The following MYT1L variants were observed in gnomAD, a reference collection of about 807,000 sequenced individuals.
The protein encoded by MYT1L is myelin transcription factor 1 like.
MYT1L carries 12 observed loss-of-function variants against 126.7 expected under a neutral mutation model. That is an observed-to-expected ratio of 0.09 (90% CI 0.06 to 0.15). The LOEUF is 0.15. Among genes scored for constraint, MYT1L ranks in the 10% least tolerant of loss-of-function variants. The pLI is 1.00. For missense variants in MYT1L, 979 were observed against 1,585.2 expected (o/e 0.62, Z 6.49); for synonymous variants, 541 against 604.2 (o/e 0.90, Z 1.53).
In MYT1L at chr2:2,109,832, G is replaced by A. The variant is rs1046909802; in HGVS notation, c.-303-55709C>T. On this transcript the variant is annotated intron_variant, in intron 3 of 24. Coordinates refer to ENST00000647738, the MANE Select transcript of MYT1L (RefSeq NM_001303052.2). ...CACAAAGAAAAAACTAGCCATGTGT[G>A]GAAATAAAATTTCAGGGAGGAAGAT... Among the ~76,000 whole-genome samples the A allele has an allele frequency of 9.6e-4, 130 of 135,612 alleles. 3 individuals are homozygous for A. The highest frequency in any genetic ancestry group is 1.5e-4 in the Admixed American group (2 of 13,030). 89.0% of individuals were successfully genotyped at this position (135,612 alleles called of 152,430 possible).
intron 10 of MYT1L, among the ~76,000 whole-genome samples, chr2:1,919,231 G>C (rs2053246851): frequency 6.6e-6 from 1 of 152,220 alleles, no homozygotes; most frequent in Non-Finnish European, 1.5e-5. Context: ...AAGACGACAA[G>C]GGTATAGTCT....
intron 3 of MYT1L, among the ~76,000 whole-genome samples, chr2:2,123,047 C>T (rs562446171): frequency 7.9e-5 from 12 of 152,148 alleles, no homozygotes; most frequent in East Asian, 3.9e-4. Context: ...TTTCAGGGCA[C>T]GCTGGCTCGC....
chr2:2,127,984 C>T (rs1342199931), intron 3 of MYT1L, among the ~76,000 whole-genome samples: 1 of 152,164 alleles, frequency 6.6e-6, no homozygotes, highest in East Asian at 1.9e-4. Context: ...AACAGATTTG[C>T]TGTGATCATT....
chr2:2,309,066 T>C (rs1453096681), intron 1 of MYT1L, among the ~76,000 whole-genome samples: 1 of 151,866 alleles, frequency 6.6e-6, no homozygotes, highest in Admixed American at 6.6e-5. Flanking sequence ...TACACATTAC[T>C]TTTCTCTACC....
intron 5 of MYT1L, among the ~76,000 whole-genome samples, chr2:1,993,824 G>A (rs1462714071): frequency 6.6e-6 from 1 of 152,212 alleles, no homozygotes; most frequent in Non-Finnish European, 1.5e-5. Flanking sequence ...GGCTTTGGTT[G>A]AGTAAAGCCA....
intron 2 of MYT1L, among the ~76,000 whole-genome samples, chr2:2,283,618 G>A (rs1240231333): frequency 6.6e-6 from 1 of 152,190 alleles, no homozygotes; most frequent in Non-Finnish European, 1.5e-5. Context: ...GAAAGTGAAG[G>A]CCACAGAAGC....
chr2:1,856,253 C>A (rs1370321425), intron 18 of MYT1L, among the ~76,000 whole-genome samples: 4 of 152,162 alleles, frequency 2.6e-5, no homozygotes, highest in African/African-American at 9.7e-5. Context: ...TTGGACTTGA[C>A]CCCTTGTCCC....
chr2:1,979,734 T>C lies in MYT1L; in HGVS notation c.44A>G (p.Lys15Arg), dbSNP rs370776058. Residue 15 changes from lysine (K) to arginine (R), a missense_variant, in exon 6 of 25, where the codon AAA (lysine) becomes AGA (arginine). Lys to Arg is a conservative substitution (Grantham distance 26, BLOSUM62 2). This residue lies in a region of MYT1L where 50 missense variants were observed against 48.6 expected (regional missense o/e 1.03). Transcript: ENST00000647738. The surrounding 1 kb of genome is among the most constrained non-coding windows in gnomAD (Gnocchi z 4.0). Reference sequence around the variant, plus strand: ...AAGCGCGGACATACCTCGAACCCCTTTGGACCGCGTGCGATGCCGCTTCTC... The same window carrying C: ...AAGCGCGGACATACCTCGAACCCCTCTGGACCGCGTGCGATGCCGCTTCTC... ...TEEKRHRTRSKGVRVPVEPAI... is the reference protein window; with the variant it reads ...TEEKRHRTRSRGVRVPVEPAI... 1.7e-5 allele frequency: 27 copies of C among 1,613,870 alleles called. No individual in the cohort carries two copies. Among genetic ancestry groups the C allele is most frequent in the East Asian group, 1.1e-4 (5 of 44,880 alleles).
chr2:1,949,313 T>C (rs2057521842), intron 8 of MYT1L, among the ~76,000 whole-genome samples: 1 of 152,180 alleles, frequency 6.6e-6, no homozygotes, highest in Non-Finnish European at 1.5e-5. Flanking sequence ...GGCCTTTCCA[T>C]GTTTTCACCC....
At chr2:2,174,580 C>T (rs199636555) in intron 2 of MYT1L, among the ~76,000 whole-genome samples, 166 of 150,706 alleles carry the variant, frequency 1.1e-3, no homozygotes, top group Non-Finnish European at 1.9e-3. Flanking sequence ...TCCCAGACAA[C>T]GCAGTTTGAT....
intron 3 of MYT1L, among the ~76,000 whole-genome samples, chr2:2,104,523 G>A (rs1311390402): frequency 6.6e-6 from 1 of 152,262 alleles, no homozygotes; most frequent in Non-Finnish European, 1.5e-5. Context: ...GATGGCTGGA[G>A]AACGGCACAA....
chr2:2,061,904 T>C (rs1446609211), intron 3 of MYT1L, among the ~76,000 whole-genome samples: 2 of 152,214 alleles, frequency 1.3e-5, no homozygotes, highest in African/African-American at 4.8e-5. Context: ...GTTCCCCAGA[T>C]ACCATCCCTG....
chr2:2,112,439 A>C (rs1360585244), intron 3 of MYT1L, among the ~76,000 whole-genome samples: 1 of 152,244 alleles, frequency 6.6e-6, no homozygotes, highest in African/African-American at 2.4e-5. Context: ...AAAACTATAA[A>C]TTCAAAGAAA....
intron 18 of MYT1L, among the ~76,000 whole-genome samples, chr2:1,877,328 T>G (rs2047037392): frequency 6.6e-6 from 1 of 152,346 alleles, no homozygotes; most frequent in Admixed American, 6.5e-5. Context: ...GAAAAGCAGG[T>G]TTCAATCACA....
intron 4 of MYT1L, among the ~76,000 whole-genome samples, chr2:1,999,872 A>G (rs763760328): frequency 4.6e-5 from 7 of 152,266 alleles, no homozygotes; most frequent in Non-Finnish European, 1.0e-4. Flanking sequence ...ATGAATGACA[A>G]GCAAAGTATG....
chr2:1,883,648 T>A (rs984658067), intron 18 of MYT1L, among the ~76,000 whole-genome samples: 2 of 152,118 alleles, frequency 1.3e-5, no homozygotes, highest in Non-Finnish European at 2.9e-5. Context: ...TGAGGTCGAC[T>A]CCTAGAAAGG....
intron 3 of MYT1L, among the ~76,000 whole-genome samples, chr2:2,092,009 C>A (rs2076959902): frequency 1.3e-5 from 2 of 152,182 alleles, no homozygotes; most frequent in South Asian, 4.1e-4. Context: ...TTCCCCATAT[C>A]AGCAATAAGG....
intron 2 of MYT1L, among the ~76,000 whole-genome samples, chr2:2,240,701 A>G (rs555407086): frequency 2.0e-5 from 3 of 152,272 alleles, no homozygotes; most frequent in Non-Finnish European, 4.4e-5. Flanking sequence ...CGGTGTCCAC[A>G]TTTTCCAAAT....
chr2:2,306,576 C>T (rs2095862118), intron 1 of MYT1L, among the ~76,000 whole-genome samples: 1 of 152,118 alleles, frequency 6.6e-6, no homozygotes. Context: ...TGCCTATTTC[C>T]AAATATCGAG....
Sources: allele counts gnomAD v4.1 joint callset (sites outside exome capture counted in the v4.1 genomes callset), GRCh38; gene constraint gnomAD v4.1.1; regional missense constraint gnomAD v4.1.1; non-coding constraint Gnocchi (gnomAD v3.1); transcripts MANE v1.5; gene names NCBI Gene and HGNC (gene_info 2026-07-23, HGNC 2026-07-21).